The following ZNF268 variants were observed in gnomAD, a reference collection of about 807,000 sequenced individuals.
The protein encoded by ZNF268 is zinc finger protein 3.
Under a neutral mutation model 29.3 loss-of-function variants are expected in ZNF268, and 20 were observed. The ratio of observed to expected loss-of-function variants is 0.68; its 90% confidence interval spans 0.48 to 0.99. ZNF268 has a LOEUF of 0.99. Ranked by LOEUF, ZNF268 falls within the 50% of genes least tolerant of loss-of-function variation. The pLI, the probability that ZNF268 is intolerant of heterozygous loss-of-function variation, is 0.00. For synonymous variants in ZNF268, 429 were observed against 376.9 expected, an observed-to-expected ratio of 1.14 and a Z score of -1.60; for missense variants, 1,240 against 1,121.6, an observed-to-expected ratio of 1.11 and a Z score of -1.51.
chr12:133,209,607 G>A lies in ZNF268; in HGVS notation c.*5077G>A, dbSNP rs921839496. On this transcript the variant is annotated 3_prime_UTR_variant, in exon 6 of 6. Coordinates refer to ENST00000536435, the MANE Select transcript of ZNF268 (RefSeq NM_003415.3). The stretch of plus-strand genomic sequence containing the variant: ...CTCAGCATTTTGTGAGGCTGAGGCA[G>A]GTGGATGACTTGAGGTCAGGAGTTC... The A allele has an allele frequency of 1.3e-5, 2 of 152,166 alleles. No homozygotes were observed. The highest frequency in any genetic ancestry group is 6.5e-5 in the Admixed American group (1 of 15,284). 9.4% of individuals were successfully genotyped at this position (152,166 alleles called of 1,614,324 possible).
At position 133,205,492 on chromosome 12, in the gene ZNF268, ATC is replaced by A. The variant is rs1956882566; in HGVS notation, c.*966_*967del. 6.6e-6 allele frequency: 1 copy of A among 152,184 alleles called. No individual in the cohort carries two copies. The highest frequency in any genetic ancestry group is 1.5e-5 in the Non-Finnish European group (1 of 68,032). 9.4% of individuals were successfully genotyped at this position (152,184 alleles called of 1,614,324 possible). A position where few individuals can be genotyped will look rare whatever the true frequency, so the allele number is the denominator to read the frequency against. ...AAAATCATCTTCCAGAGATTTCAGTATCTCTGATACTGACAATATCTCTGATA... is the reference window on the plus strand; with the variant it reads ...AAAATCATCTTCCAGAGATTTCAGTATCTGATACTGACAATATCTCTGATA... On this transcript the variant is annotated 3_prime_UTR_variant, in exon 6 of 6. Coordinates refer to ENST00000536435, the MANE Select transcript of ZNF268 (RefSeq NM_003415.3).
intron 5 of ZNF268, among the ~76,000 whole-genome samples, chr12:133,196,548 A>G (rs1956603941): frequency 6.6e-6 from 1 of 152,174 alleles, no homozygotes; most frequent in South Asian, 2.1e-4. Context: ...ACCAGAAGGA[A>G]TGGAAGGATA....
At chr12:133,196,368 A>G (rs1956600252) in intron 5 of ZNF268, among the ~76,000 whole-genome samples, 1 of 149,590 alleles carries the variant, frequency 6.7e-6, no homozygotes, top group Non-Finnish European at 1.5e-5. Context: ...TGGGTTTGGT[A>G]TTCCCTGATT....
At chr12:133,183,659 C>A (rs1956232105) in intron 2 of ZNF268, among the ~76,000 whole-genome samples, 1 of 152,130 alleles carries the variant, frequency 6.6e-6, no homozygotes, top group South Asian at 2.1e-4. Context: ...TAAGGGAAGA[C>A]TGTCAGAATT....
intron 5 of ZNF268, among the ~76,000 whole-genome samples, chr12:133,192,911 G>A (rs993614306): frequency 6.6e-6 from 1 of 152,080 alleles, no homozygotes; most frequent in South Asian, 2.1e-4. Flanking sequence ...CGCCCACCTC[G>A]GCCTCCCAAA....
chr12:133,203,032 G>T lies in ZNF268; in HGVS notation c.1346G>T (p.Cys449Phe), dbSNP rs1309680683. 1 of 1,543,028 alleles carries T rather than the reference G, an allele frequency of 6.5e-7. No individual in the cohort carries two copies. Among genetic ancestry groups the T allele is most frequent in the Non-Finnish European group, 8.7e-7 (1 of 1,149,732 alleles). ...TGEKPYVCSD[C>F]GKAFTFKSQL... ...GAGAAACCTTATGTTTGTAGTGATTGTGGAAAAGCCTTTACATTCAAGTCA... is the reference window on the plus strand; with the variant it reads ...GAGAAACCTTATGTTTGTAGTGATTTTGGAAAAGCCTTTACATTCAAGTCA... The change falls in exon 6 of 6, where the codon TGT (cysteine) becomes TTT (phenylalanine). Residue 449 changes from cysteine to phenylalanine, a missense_variant. Physicochemically the swap from Cys to Phe is radical, Grantham distance 205. Around this residue, in one of 3 missense-constraint regions of ZNF268, gnomAD observed 1,177 missense variants for 1,039.6 expected, o/e 1.13. Coordinates refer to ENST00000536435, the MANE Select transcript of ZNF268 (RefSeq NM_003415.3).
At chr12:133,190,052 C>T (rs1182050853) in intron 3 of ZNF268, among the ~76,000 whole-genome samples, 1 of 152,220 alleles carries the variant, frequency 6.6e-6, no homozygotes, top group Non-Finnish European at 1.5e-5. Context: ...TTGTGATCTG[C>T]CCGCCTCGGC....
chr12:133,206,442 T>C lies in ZNF268; in HGVS notation c.*1912T>C, dbSNP rs1956899298. ...ATTATGTGTCAGTGATACTACTTAG[T>C]TACATGTAGCTATAGAGTCACAGTG... On this transcript the variant is annotated 3_prime_UTR_variant, in exon 6 of 6. Transcript: ENST00000536435. 1 of 152,220 alleles carries C rather than the reference T, an allele frequency of 6.6e-6. No individual in the cohort carries two copies. The highest frequency in any genetic ancestry group is 1.5e-5 in the Non-Finnish European group (1 of 68,040). The allele number at this position is 152,220 out of a possible 1,614,324, so 9.4% of individuals were successfully genotyped here. A position where few individuals can be genotyped will look rare whatever the true frequency, so the allele number is the denominator to read the frequency against.
intron 5 of ZNF268, among the ~76,000 whole-genome samples, chr12:133,197,162 T>A (rs903597135): frequency 1.0e-4 from 15 of 149,892 alleles, no homozygotes; most frequent in Non-Finnish European, 2.1e-4. Flanking sequence ...GCATTAGGTA[T>A]ATCTCCCAAT....
chr12:133,202,472 G>C lies in ZNF268; in HGVS notation c.786G>C (p.Ser262=), dbSNP rs758134250. Residue 262 remains serine (S), a synonymous_variant, in exon 6 of 6, where the codon TCG becomes TCC. Coordinates refer to ENST00000536435, the MANE Select transcript of ZNF268 (RefSeq NM_003415.3). Reference sequence around the variant, plus strand: ...CTGGAAAAACCGTCAATAAGAAATCGCAACTTATGTGCCAACAAATGTATA... The same window carrying C: ...CTGGAAAAACCGTCAATAAGAAATCCCAACTTATGTGCCAACAAATGTATA... ...IESGKTVNKK[S]QLMCQQMYMG... is the part of the protein sequence containing the mutation. The C allele has an allele frequency of 6.2e-7, 1 of 1,611,882 alleles. No individual in the cohort carries two copies. Among genetic ancestry groups the C allele is most frequent in the Admixed American group, 1.7e-5 (1 of 59,584 alleles).
chr12:133,208,646 C>T lies in ZNF268; in HGVS notation c.*4116C>T, dbSNP rs1465908439. 6.6e-6 allele frequency: 1 copy of T among 152,204 alleles called. No homozygotes were observed. Among genetic ancestry groups the T allele is most frequent in the Non-Finnish European group, 1.5e-5 (1 of 68,054 alleles). The allele number at this position is 152,204 out of a possible 1,614,324, so 9.4% of individuals were successfully genotyped here. A position where few individuals can be genotyped will look rare whatever the true frequency, so the allele number is the denominator to read the frequency against. Reference sequence around the variant, plus strand: ...CTCCATCCTGGGCAACAAAGTGAGACCCTGTCTGTAAAAAACAAAGCAAAA... The same window carrying T: ...CTCCATCCTGGGCAACAAAGTGAGATCCTGTCTGTAAAAAACAAAGCAAAA... On this transcript the variant is annotated 3_prime_UTR_variant, in exon 6 of 6. Coordinates refer to ENST00000536435, the MANE Select transcript of ZNF268 (RefSeq NM_003415.3).
rs1956993039 is a variant in ZNF268 at position 133,212,311 on chromosome 12, TG to T, written c.*7782del. The T allele has an allele frequency of 6.6e-6, 1 of 151,632 alleles. No individual in the cohort carries two copies. The highest frequency in any genetic ancestry group is 1.5e-5 in the Non-Finnish European group (1 of 67,948). The allele number at this position is 151,632 out of a possible 1,614,324, so 9.4% of individuals were successfully genotyped here. ...GCTTGGTGAAATTATGCTGGGTGTGTGTGGAAGAGCCTGGGATGTATAATGC... is the reference window on the plus strand; with the variant it reads ...GCTTGGTGAAATTATGCTGGGTGTGTTGGAAGAGCCTGGGATGTATAATGC... On this transcript the variant is annotated 3_prime_UTR_variant, in exon 6 of 6. Coordinates refer to ENST00000536435, the MANE Select transcript of ZNF268 (RefSeq NM_003415.3).
At chr12:133,186,076 G>T (rs980664040) in intron 2 of ZNF268, among the ~76,000 whole-genome samples, 3 of 152,122 alleles carry the variant, frequency 2.0e-5, no homozygotes, top group African/African-American at 7.2e-5. Context: ...CCTAGCCCCA[G>T]GTGGTGAATA....
intron 3 of ZNF268, among the ~76,000 whole-genome samples, chr12:133,188,823 T>C (rs1956389909): frequency 6.6e-6 from 1 of 152,154 alleles, no homozygotes; most frequent in Non-Finnish European, 1.5e-5. Flanking sequence ...CCTCGGGTGC[T>C]TCTTTTACTT....
At chr12:133,191,330 AAAG>A (rs1956467694) in intron 3 of ZNF268, 156 bp from the exon 4 acceptor site, 55 of 805,004 alleles carry the variant, frequency 6.8e-5, no homozygotes, top group Non-Finnish European at 9.1e-5. Context: ...AAAAAAAAAA[AAAG>A]AAAGAAAGAT....
rs1956980528 is a variant in ZNF268 at position 133,211,506 on chromosome 12, A to C, written c.*6976A>C. 6.1e-6 allele frequency: 1 copy of C among 163,050 alleles called. No individual in the cohort carries two copies. The highest frequency in any genetic ancestry group is 1.7e-4 in the East Asian group (1 of 5,780). 10.1% of individuals were successfully genotyped at this position (163,050 alleles called of 1,614,324 possible). A position where few individuals can be genotyped will look rare whatever the true frequency, so the allele number is the denominator to read the frequency against. ...GAGGCGGAGGCAGGAGAATGGCTTG[A>C]ACCCGGGAGGCGGAGGTTGCTGTGA... is the stretch of plus-strand genomic sequence containing the variant. On this transcript the variant is annotated 3_prime_UTR_variant, in exon 6 of 6. Transcript: ENST00000536435.
chr12:133,194,719 C>T (rs1266906724), intron 5 of ZNF268, among the ~76,000 whole-genome samples: 2 of 152,216 alleles, frequency 1.3e-5, no homozygotes, highest in African/African-American at 2.4e-5. Context: ...TGGGTCTTCA[C>T]TTCCCTGACT....
chr12:133,205,019 A>ACCTTGG lies in ZNF268; in HGVS notation c.*489_*490insCCTTGG, dbSNP rs1212336520. 1.3e-5 allele frequency: 2 copies of ACCTTGG among 151,582 alleles called. No individual in the cohort carries two copies. The highest frequency in any genetic ancestry group is 2.9e-5 in the Non-Finnish European group (2 of 68,132). 9.4% of individuals were successfully genotyped at this position (151,582 alleles called of 1,614,324 possible). A position where few individuals can be genotyped will look rare whatever the true frequency, so the allele number is the denominator to read the frequency against. On this transcript the variant is annotated 3_prime_UTR_variant, in exon 6 of 6. Transcript: ENST00000536435. ...ATATACCTTGGAGGGACCATGCTAT[A>ACCTTGG]AGGGAAAGTGTAAATCTAGAAATGA...
chr12:133,200,030 A>G (rs1308234675), intron 5 of ZNF268, among the ~76,000 whole-genome samples: 1 of 151,750 alleles, frequency 6.6e-6, no homozygotes, highest in Non-Finnish European at 1.5e-5. Flanking sequence ...TATTTCCTTC[A>G]GTTCTCCTCT....
Sources: allele counts gnomAD v4.1 joint callset (sites outside exome capture counted in the v4.1 genomes callset), GRCh38; gene constraint gnomAD v4.1.1; regional missense constraint gnomAD v4.1.1; transcripts MANE v1.5; gene names NCBI Gene and HGNC (gene_info 2026-07-23, HGNC 2026-07-21).